Variants in CDK11B observed in about 807,000 individuals in gnomAD.
The protein encoded by CDK11B is cyclin-dependent kinase 11B.
In CDK11B, 37 loss-of-function variants were observed where a neutral mutation model predicts 84.0. The ratio of observed to expected loss-of-function variants is 0.44; its 90% confidence interval spans 0.34 to 0.58. CDK11B has a LOEUF of 0.58. Ranked by LOEUF, CDK11B falls within the 20% of genes least tolerant of loss-of-function variation. CDK11B has a pLI of 0.02. For missense variants in CDK11B, 427 were observed against 834.0 expected (o/e 0.51, Z 6.01); for synonymous variants, 269 against 309.8 (o/e 0.87, Z 1.38).
Position 1,635,568 on chromosome 1 carries a change from C to G in CDK11B, c.*196G>C. 1 of 500,080 alleles carries G rather than the reference C, an allele frequency of 2.0e-6. No individual in the cohort carries two copies. The highest frequency in any genetic ancestry group is 3.4e-6 in the Non-Finnish European group (1 of 293,474). 31.0% of individuals were successfully genotyped at this position (500,080 alleles called of 1,614,324 possible). A position where few individuals can be genotyped will look rare whatever the true frequency, so the allele number is the denominator to read the frequency against. Reference sequence around the variant, plus strand: ...TCCACCCTCTCCGCCCTGGGCAAGTCACGGAGAAAACACAGCTCTTTCCTC... The same window carrying G: ...TCCACCCTCTCCGCCCTGGGCAAGTGACGGAGAAAACACAGCTCTTTCCTC... On this transcript the variant is annotated 3_prime_UTR_variant, in exon 20 of 20. Coordinates refer to ENST00000341832, the MANE Select transcript of CDK11B (RefSeq NM_033486.3).
Position 1,645,187 on chromosome 1 carries a change from C to T in CDK11B, c.570G>A (p.Glu190=). Residue 190 remains glutamate (E), a synonymous_variant, in exon 6 of 20, where the codon GAG becomes GAA. Coordinates refer to ENST00000341832, the MANE Select transcript of CDK11B (RefSeq NM_033486.3). The part of the protein sequence containing the change: ...KMREQQKEQR[E]QKERERRAEE... ...CTGCCCGCCGCTCGCGCTCCTTCTG[C>T]TCCCGCTGCTCCTTCTGCTGCTCCC... 1.1e-6 allele frequency: 1 copy of T among 910,074 alleles called. No individual in the cohort carries two copies. Among genetic ancestry groups the T allele is most frequent in the South Asian group, 1.3e-5 (1 of 74,124 alleles). The allele number at this position is 910,074 out of a possible 1,614,324, so 56.4% of individuals were successfully genotyped here. A position where few individuals can be genotyped will look rare whatever the true frequency, so the allele number is the denominator to read the frequency against.
intron 6 of CDK11B, among the ~76,000 whole-genome samples, chr1:1,644,837 T>TA (rs1209544432): frequency 6.7e-5 from 10 of 150,266 alleles, no homozygotes; most frequent in Non-Finnish European, 1.0e-4. Context: ...ACTAAAAATA[T>TA]AAAAAAATAG....
intron 5 of CDK11B, 118 bp downstream of exon 5, chr1:1,649,381 G>C: frequency 1.3e-6 from 1 of 757,168 alleles, no homozygotes; most frequent in Non-Finnish European, 2.2e-6. Context: ...GATTACAGGC[G>C]TGAGCCACCA....
rs771723406 is a variant in CDK11B, at chr1:1,641,106, T to G, written c.1017A>C (p.Val339=). 1.4e-5 allele frequency: 22 copies of G among 1,590,612 alleles called. No homozygotes were observed. The highest frequency in any genetic ancestry group is 1.8e-5 in the Non-Finnish European group (21 of 1,163,178). The part of the protein sequence containing the change: ...EEASEQSAEE[V]SEEEMSEDEE... Reference sequence around the variant, plus strand: ...CATCTTCACTCATTTCTTCCTCACTTACTTCTTCTGCAAGAGAAAGGAGGC... The same window carrying G: ...CATCTTCACTCATTTCTTCCTCACTGACTTCTTCTGCAAGAGAAAGGAGGC... The change falls in exon 10 of 20, where the codon GTA becomes GTC. Residue 339 remains valine (V), a synonymous_variant. Coordinates refer to ENST00000341832, the MANE Select transcript of CDK11B (RefSeq NM_033486.3).
intron 5 of CDK11B, chr1:1,646,558 A>G: frequency 1.9e-6 from 1 of 517,752 alleles, no homozygotes; most frequent in Non-Finnish European, 3.9e-6. Context: ...AGATGTGAGG[A>G]GAGATAGTTA....
rs527832400 is a variant in CDK11B, at chr1:1,641,228, G to A, written c.1010-115C>T. 13 of 1,542,732 alleles carry A rather than the reference G, an allele frequency of 8.4e-6. 1 individual carries two copies. The South Asian group carries it at 1.3e-4, about 15-fold the overall frequency. On this transcript the variant is annotated intron_variant, in intron 9 of 19. Transcript: ENST00000341832. ...AGTGTTCCCAAGAATGGATATGCAG[G>A]CCGGGCGCGGTGGCTCACGCCTGTA... is the stretch of plus-strand genomic sequence containing the variant.
At chr1:1,640,995 G>A (rs1164177875) in intron 10 of CDK11B, 53 bp downstream of exon 10, 15 of 1,591,306 alleles carry the variant, frequency 9.4e-6, no homozygotes, top group Non-Finnish European at 1.3e-5. Flanking sequence ...GGAGAGGGCT[G>A]CTGCACTCGG....
chr1:1,657,932 C>T (rs1177986218), intron 1 of CDK11B, among the ~76,000 whole-genome samples: 11 of 137,088 alleles, frequency 8.0e-5, no homozygotes, highest in African/African-American at 2.9e-4. Flanking sequence ...AAAAAGTAAG[C>T]TCTAGGCTGA....
At chr1:1,653,621 A>T (rs796947432) in intron 3 of CDK11B, among the ~76,000 whole-genome samples, 6 of 151,626 alleles carry the variant, frequency 4.0e-5, no homozygotes, top group African/African-American at 1.4e-4. Flanking sequence ...GCACCCAGCC[A>T]TTCACATCAT....
Position 1,639,505 on chromosome 1 carries a change from G to T in CDK11B, c.1251+772C>A, listed in dbSNP as rs1372235832. 3.3e-5 allele frequency among the ~76,000 whole-genome samples: 5 copies of T among 151,890 alleles called. 1 individual carries two copies. Among genetic ancestry groups the T allele is most frequent in the Non-Finnish European group, 1.5e-5 (1 of 67,918 alleles). On this transcript the variant is annotated intron_variant, in intron 11 of 19. Transcript: ENST00000341832. ...ATGACACTGAGGACGGGCCCTACCT[G>T]CCAGGCGCAGCATGATGCCCCATGC...
Position 1,652,262 on chromosome 1 carries a change from C to T in CDK11B, c.355+177G>A, listed in dbSNP as rs1384064550. 1.8e-3 allele frequency among the ~76,000 whole-genome samples: 279 copies of T among 152,270 alleles called. 4 individuals carry two copies. In the East Asian group the frequency reaches 0.037, roughly 20 times the overall value. ...GTTTTCGGTCTGTGACGCACGCATGCTTTTAGCTAGAGTATTCTCTCTATA... is the reference window on the plus strand; with the variant it reads ...GTTTTCGGTCTGTGACGCACGCATGTTTTTAGCTAGAGTATTCTCTCTATA... On this transcript the variant is annotated intron_variant, in intron 4 of 19. Coordinates refer to ENST00000341832, the MANE Select transcript of CDK11B (RefSeq NM_033486.3).
intron 5 of CDK11B, among the ~76,000 whole-genome samples, chr1:1,649,072 C>T (rs1322399276): frequency 6.6e-6 from 1 of 152,062 alleles, no homozygotes; most frequent in Non-Finnish European, 1.5e-5. Context: ...GTGCTGTTTC[C>T]ATGTCTACCA....
At chr1:1,638,466 C>G in intron 12 of CDK11B, 34 bp downstream of exon 12, 1 of 994,084 alleles carries the variant, frequency 1.0e-6, no homozygotes, top group Non-Finnish European at 1.6e-6. Context: ...GCCCCACTTC[C>G]CCTGCCTTTG....
chr1:1,636,437 C>G lies in CDK11B; in HGVS notation c.1962G>C (p.Glu654Asp). 1 of 1,613,116 alleles carries G rather than the reference C, an allele frequency of 6.2e-7. No homozygotes were observed. The highest frequency in any genetic ancestry group is 1.3e-5 in the African/African-American group (1 of 75,076). ...PSEKIWPGYS[E>D]LPAVKKMTFS... ...AGGTCATCTTCTTGACTGCTGGGAG[C>G]TCGCTGTAGCCGGGCCAGATTTTCT... The change falls in exon 18 of 20, where the codon GAG (glutamate) becomes GAC (aspartate). Residue 654 changes from glutamate (E) to aspartate (D), a missense_variant. Physicochemically the swap from Glu to Asp is conservative, Grantham distance 45. This residue lies in a region of CDK11B where 170 missense variants were observed against 196.0 expected (regional missense o/e 0.87). Coordinates refer to ENST00000341832, the MANE Select transcript of CDK11B (RefSeq NM_033486.3).
intron 3 of CDK11B, among the ~76,000 whole-genome samples, chr1:1,653,116 C>T (rs1473021424): frequency 6.6e-6 from 1 of 152,114 alleles, no homozygotes; most frequent in African/African-American, 2.4e-5. Flanking sequence ...CCTTCCAGTC[C>T]CAGGTTCAAG....
chr1:1,650,946 TA>T (rs1296217579), intron 4 of CDK11B, among the ~76,000 whole-genome samples: 2 of 152,232 alleles, frequency 1.3e-5, no homozygotes, highest in Non-Finnish European at 2.9e-5. Context: ...AACTTTTCCA[TA>T]CTGAATAAAC....
rs1440715240 is a variant in CDK11B, at chr1:1,640,918, C to T, written c.1075+130G>A. On this transcript the variant is annotated intron_variant, in intron 10 of 19. Transcript: ENST00000341832. ...CGGGCCCCACCGGCACAGCCTGGAGCGGCCAACGAATCAGGCGGCCTCCCA... is the reference window on the plus strand; with the variant it reads ...CGGGCCCCACCGGCACAGCCTGGAGTGGCCAACGAATCAGGCGGCCTCCCA... The T allele has an allele frequency of 1.6e-4, 202 of 1,232,812 alleles. 2 individuals are homozygous for T. Among genetic ancestry groups the T allele is most frequent in the South Asian group, 1.4e-4 (9 of 66,350 alleles). 76.4% of individuals were successfully genotyped at this position (1,232,812 alleles called of 1,614,324 possible).
intron 4 of CDK11B, among the ~76,000 whole-genome samples, chr1:1,650,126 T>C (rs1272333761): frequency 4.5e-3 from 664 of 149,140 alleles, no homozygotes; most frequent in African/African-American, 0.011. Context: ...AAAAATTAGC[T>C]GGGTGTGGTG....
In CDK11B at chr1:1,640,351, A is replaced by C. The variant is rs1473303388; in HGVS notation, c.1177T>G (p.Tyr393Asp). The C allele has an allele frequency of 6.2e-7, 1 of 1,613,568 alleles. No individual in the cohort carries two copies. Among genetic ancestry groups the C allele is most frequent in the Admixed American group, 1.7e-5 (1 of 59,984 alleles). Reference protein sequence around the residue: ...PQSSALTEGDYVPDSPALSPI... With the variant: ...PQSSALTEGDDVPDSPALSPI... ...GACAGGGCAGGGGAGTCGGGCACAT[A>C]GTCGCCCTCTGTCAGGGCGCTGCTC... Residue 393 changes from tyrosine (Y) to aspartate (D), a missense_variant, in exon 11 of 20, where the codon TAT becomes GAT. This residue lies in a region of CDK11B where 43 missense variants were observed against 61.8 expected (regional missense o/e 0.70). Coordinates refer to ENST00000341832, the MANE Select transcript of CDK11B (RefSeq NM_033486.3).
Sources: gnomAD v4.1 joint callset for allele counts (sites outside exome capture counted in the v4.1 genomes callset) on GRCh38, gnomAD v4.1.1 for gene constraint, gnomAD v4.1.1 regional missense constraint, MANE v1.5 for transcripts, NCBI Gene and HGNC (gene_info 2026-07-23, HGNC 2026-07-21) for gene names.